The following CDH24 variants were observed in gnomAD, a reference collection of about 807,000 sequenced individuals.
CDH24 encodes cadherin-24.
CDH24 carries 61 observed loss-of-function variants against 71.2 expected under a neutral mutation model. The ratio of observed to expected loss-of-function variants is 0.86; its 90% CI spans 0.70 to 1.06. The LOEUF is 1.06. CDH24 is among the 50% of genes least tolerant of loss of function. The probability of loss-of-function intolerance (pLI) is 0.00; values close to 1 mark genes in which losing one functional copy is unlikely to be tolerated. For synonymous variants in CDH24, 440 were observed against 470.2 expected (o/e 0.94, Z 0.83); for missense variants, 961 against 1,083.7 (o/e 0.89, Z 1.59).
At chr14:23,052,363 G>T in intron 8 of CDH24, 110 bp downstream of exon 8, 1 of 1,188,946 alleles carries the variant, frequency 8.4e-7, no homozygotes, top group Non-Finnish European at 1.2e-6. Flanking sequence ...CTCAGTGGCC[G>T]CACGCTGGTG....
chr14:23,055,334 C>A lies in CDH24; in HGVS notation c.221G>T (p.Arg74Leu). The A allele has an allele frequency of 6.2e-7, 1 of 1,607,206 alleles. No homozygotes were observed. Residue 74 changes from arginine (R) to leucine (L), a missense_variant, in exon 3 of 13, where the codon CGG (arginine) becomes CTG (leucine). By Grantham distance (102) the Arg-to-Leu change is moderately radical. This residue lies in a region of CDH24 where 671 missense variants were observed against 810.9 expected (regional missense o/e 0.83). Transcript: ENST00000487137. The surrounding 1 kb of genome is among the most constrained non-coding windows in gnomAD (Gnocchi z 4.1). ...LIGKLHSDVD[R>L]GEGRTKYLLT... ...CAGGTACTTGGTGCGGCCCTCTCCC[C>A]GGTCAACATCCGAGTGCAGCTGCAG...
rs1594727525 is a variant in CDH24 at position 23,055,446 on chromosome 14, G to T, written c.201+87C>A. On this transcript the variant is annotated intron_variant, in intron 2 of 12. Coordinates refer to ENST00000487137, the MANE Select transcript of CDH24 (RefSeq NM_144985.4). This position sits in a 1 kb window ranked among gnomAD's most constrained non-coding sequence, Gnocchi z 4.1. ...GGGTAGAGCGTTGGGAGTCCTGAGG[G>T]ACCAAGGTCATTGCAGAAGTGATGA... 5.7e-6 allele frequency: 9 copies of T among 1,586,424 alleles called. No homozygotes were observed. Among genetic ancestry groups the T allele is most frequent in the Admixed American group, 1.7e-5 (1 of 58,760 alleles).
chr14:23,056,016 G>A (rs2047127331), intron 1 of CDH24, among the ~76,000 whole-genome samples, 159 bp from the exon 2 acceptor site: 1 of 152,172 alleles, frequency 6.6e-6, no homozygotes, highest in Admixed American at 6.5e-5. Context: ...CTCCACCCAG[G>A]CTCTGCATGT....
rs758730540 is a variant in CDH24 at position 23,053,662 on chromosome 14, G to A, written c.1060C>T (p.Pro354Ser). 1.2e-6 allele frequency: 2 copies of A among 1,613,994 alleles called. No individual in the cohort carries two copies. The highest frequency in any genetic ancestry group is 2.2e-5 in the South Asian group (2 of 91,088). ...CGCACAGAGGCCACATCCTTGAAGG[G>A]CCCTCGCCGCAGATAGGCTGGGTCA... Reference protein sequence around the residue: ...LIDPAYLRRGPFKDVASVRVA... With the variant: ...LIDPAYLRRGSFKDVASVRVA... Residue 354 changes from proline to serine, a missense_variant, in exon 7 of 13, where the codon CCC (proline) becomes TCC (serine). By Grantham distance (74) the Pro-to-Ser change is moderately conservative. This residue lies in a region of CDH24 where 671 missense variants were observed against 810.9 expected (regional missense o/e 0.83). Coordinates refer to ENST00000487137, the MANE Select transcript of CDH24 (RefSeq NM_144985.4).
chr14:23,048,929 G>T, intron 11 of CDH24, 98 bp downstream of exon 11: 1 of 1,417,516 alleles, frequency 7.1e-7, no homozygotes, highest in Non-Finnish European at 9.6e-7. Flanking sequence ...GGTCGTTCAA[G>T]CCCTAAGGTG....
At position 23,054,221 on chromosome 14, in the gene CDH24, T is replaced by C. The variant is rs772647752; in HGVS notation, c.892A>G (p.Ile298Val). ...LGDNALMAYS[I>V]LDGEGSEAFS... is the part of the protein sequence containing the mutation. The stretch of plus-strand genomic sequence containing the variant: ...GCCTCAGACCCCTCCCCATCCAGGA[T>C]GCTGTATGCCATCAGGGCGTTGTCC... The change falls in exon 6 of 13, where the codon ATC becomes GTC. Residue 298 changes from isoleucine (I) to valine (V), a missense_variant. Ile to Val is a conservative substitution (Grantham distance 29). Around this residue, in one of 2 missense-constraint regions of CDH24, gnomAD observed 671 missense variants for 810.9 expected, o/e 0.83. Transcript: ENST00000487137. The surrounding 1 kb of genome is among the most constrained non-coding windows in gnomAD (Gnocchi z 5.2). 1.2e-6 allele frequency: 2 copies of C among 1,613,718 alleles called. No individual in the cohort carries two copies. Among genetic ancestry groups the C allele is most frequent in the Non-Finnish European group, 1.7e-6 (2 of 1,179,928 alleles).
At position 23,047,910 on chromosome 14, in the gene CDH24, C is replaced by G. The variant is rs942023140; in HGVS notation, c.*70G>C. 6 of 1,195,772 alleles carry G rather than the reference C, an allele frequency of 5.0e-6. No homozygotes were observed. In the South Asian group the frequency reaches 1.6e-4, roughly 33 times the overall value. 74.1% of individuals were successfully genotyped at this position (1,195,772 alleles called of 1,614,324 possible). On this transcript the variant is annotated 3_prime_UTR_variant, in exon 12 of 13. Coordinates refer to ENST00000487137, the MANE Select transcript of CDH24 (RefSeq NM_144985.4). ...TGGGCTGCTGCCGCCCGCCTGGACCCCGTGGGGCTCACTCAGAGGGCCTGT... is the reference window on the plus strand; with the variant it reads ...TGGGCTGCTGCCGCCCGCCTGGACCGCGTGGGGCTCACTCAGAGGGCCTGT...
In CDH24 at chr14:23,054,180, T is replaced by A; in HGVS notation, c.933A>T (p.Thr311=). ...GGAGCCCGTCTCGACCCTGCAAGTC[T>A]GTGCTGATGCTGAAGGCCTCAGACC... The part of the protein sequence containing the change: ...GEGSEAFSIS[T]DLQGRDGLLT... The change falls in exon 6 of 13, where the codon ACA becomes ACT. Residue 311 remains threonine, a synonymous_variant. Coordinates refer to ENST00000487137, the MANE Select transcript of CDH24 (RefSeq NM_144985.4). The surrounding 1 kb of genome is among the most constrained non-coding windows in gnomAD (Gnocchi z 5.2). 6.2e-7 allele frequency: 1 copy of A among 1,612,354 alleles called. No homozygotes were observed. The highest frequency in any genetic ancestry group is 2.2e-5 in the East Asian group (1 of 44,842).
Position 23,055,043 on chromosome 14 carries a change from G to A in CDH24, c.496+16C>T, listed in dbSNP as rs766454754. The A allele has an allele frequency of 6.2e-7, 1 of 1,605,362 alleles. No individual in the cohort carries two copies. The highest frequency in any genetic ancestry group is 1.3e-5 in the African/African-American group (1 of 74,776). On this transcript the variant is annotated intron_variant, in intron 3 of 12. Transcript: ENST00000487137. This position sits in a 1 kb window ranked among gnomAD's most constrained non-coding sequence, Gnocchi z 4.1. ...CAGAAGACGGGAACTGGGGCATTCAGAGCTGGGGTGCTCACCGACATTGGA... is the reference window on the plus strand; with the variant it reads ...CAGAAGACGGGAACTGGGGCATTCAAAGCTGGGGTGCTCACCGACATTGGA...
rs568329721 is a variant in CDH24 at position 23,047,951 on chromosome 14, C to T, written c.*29G>A. 8.0e-5 allele frequency: 103 copies of T among 1,291,940 alleles called. No homozygotes were observed. In the African/African-American group the frequency reaches 1.2e-3, roughly 15 times the overall value. The allele number at this position is 1,291,940 out of a possible 1,614,324, so 80.0% of individuals were successfully genotyped here. On this transcript the variant is annotated 3_prime_UTR_variant, in exon 12 of 13. Coordinates refer to ENST00000487137, the MANE Select transcript of CDH24 (RefSeq NM_144985.4). The stretch of plus-strand genomic sequence containing the variant: ...GAGGGCCTGTGCCCGCTGCCCCCCC[C>T]CCGCGGTGGGCCGGGCCAGCCCGGG...
In CDH24 at chr14:23,054,294, T is replaced by C. The variant is rs1483124598; in HGVS notation, c.819A>G (p.Gly273=). Residue 273 remains glycine (G), a synonymous_variant, in exon 6 of 13, where the codon GGA becomes GGG. Coordinates refer to ENST00000487137, the MANE Select transcript of CDH24 (RefSeq NM_144985.4). The surrounding 1 kb of genome is among the most constrained non-coding windows in gnomAD (Gnocchi z 5.2). ...LYQFSVVETA[G]PGTLVGRLRA... Reference sequence around the variant, plus strand: ...GGAGCCGGCCCACCAGTGTGCCAGGTCCAGCTGTCTCCACCACGGAGAACT... The same window carrying C: ...GGAGCCGGCCCACCAGTGTGCCAGGCCCAGCTGTCTCCACCACGGAGAACT... The C allele has an allele frequency of 6.2e-7, 1 of 1,609,308 alleles. No homozygotes were observed. Among genetic ancestry groups the C allele is most frequent in the Non-Finnish European group, 8.5e-7 (1 of 1,177,174 alleles).
chr14:23,052,062 C>G, intron 8 of CDH24: 1 of 1,566,868 alleles, frequency 6.4e-7, no homozygotes. Context: ...TACCCAGCCC[C>G]TTTCTGGCCC....
Position 23,047,941 on chromosome 14 carries a change from C to A in CDH24, c.*39G>T. ...GGCTCACTCAGAGGGCCTGTGCCCG[C>A]TGCCCCCCCCCCGCGGTGGGCCGGG... On this transcript the variant is annotated 3_prime_UTR_variant, in exon 12 of 13. Transcript: ENST00000487137. 7.8e-7 allele frequency: 1 copy of A among 1,281,176 alleles called. No homozygotes were observed. Among genetic ancestry groups the A allele is most frequent in the Non-Finnish European group, 9.8e-7 (1 of 1,015,428 alleles). The allele number at this position is 1,281,176 out of a possible 1,614,324, so 79.4% of individuals were successfully genotyped here.
intron 7 of CDH24, among the ~76,000 whole-genome samples, chr14:23,053,104 T>C (rs58459231): frequency 0.038 from 5,839 of 152,022 alleles, 124 homozygotes; most frequent in East Asian, 0.07. Context: ...TGACCACTTA[T>C]GGCTGGCTTC....
Position 23,052,585 on chromosome 14 carries a change from A to C in CDH24, c.1251T>G (p.Asp417Glu), listed in dbSNP as rs772119411. ...GCTGGATAGAGAAGCAACGCTCCGGATCTGAGTGGGGGAGGATGGAGTATC... is the reference window on the plus strand; with the variant it reads ...GCTGGATAGAGAAGCAACGCTCCGGCTCTGAGTGGGGGAGGATGGAGTATC... ...PIRYSILPHS[D>E]PERCFSIQPE... The change falls in exon 8 of 13, where the codon GAT becomes GAG. Residue 417 changes from aspartate to glutamate, a missense_variant. By Grantham distance (45) the Asp-to-Glu change is conservative. Transcript: ENST00000487137. The C allele has an allele frequency of 6.2e-7, 1 of 1,613,880 alleles. No individual in the cohort carries two copies. Among genetic ancestry groups the C allele is most frequent in the South Asian group, 1.1e-5 (1 of 91,088 alleles).
At chr14:23,056,581 A>G (rs1173811125) in intron 1 of CDH24, among the ~76,000 whole-genome samples, 1 of 152,226 alleles carries the variant, frequency 6.6e-6, no homozygotes, top group African/African-American at 2.4e-5. Flanking sequence ...AACAGTGGCA[A>G]GAGACAGAAT....
Position 23,051,909 on chromosome 14 carries a change from T to C in CDH24, c.1363+564A>G. 4 of 975,002 alleles carry C rather than the reference T, an allele frequency of 4.1e-6. No homozygotes were observed. The highest frequency in any genetic ancestry group is 6.1e-6 in the Non-Finnish European group (4 of 653,192). 60.4% of individuals were successfully genotyped at this position (975,002 alleles called of 1,614,324 possible). A position where few individuals can be genotyped will look rare whatever the true frequency, so the allele number is the denominator to read the frequency against. ...CTGAACCCGCTGCTGGCCTGACTGA[T>C]GGGGGAGACCGCATATGGAGCTGGC... On this transcript the variant is annotated intron_variant, in intron 8 of 12. Coordinates refer to ENST00000487137, the MANE Select transcript of CDH24 (RefSeq NM_144985.4). This position sits in a 1 kb window ranked among gnomAD's most constrained non-coding sequence, Gnocchi z 4.4.
rs2047117969 is a variant in CDH24 at position 23,055,168 on chromosome 14, G to C, written c.387C>G (p.Pro129=). ...TGATGAACTCTGATGGGGGCTCCAG[G>C]GGCCGGTTGGAGGCTCGGTCCACGG... ...AQAVDRASNR[P]LEPPSEFIIK... The change falls in exon 3 of 13, where the codon CCC becomes CCG. Residue 129 remains proline, a synonymous_variant. Coordinates refer to ENST00000487137, the MANE Select transcript of CDH24 (RefSeq NM_144985.4). The surrounding 1 kb of genome is among the most constrained non-coding windows in gnomAD (Gnocchi z 4.1). 1.2e-6 allele frequency: 2 copies of C among 1,614,182 alleles called. No individual in the cohort carries two copies. Among genetic ancestry groups the C allele is most frequent in the Non-Finnish European group, 1.7e-6 (2 of 1,180,026 alleles).
rs1331103132 is a variant in CDH24, at chr14:23,048,301, C to A, written c.2025G>T (p.Ala675=). Residue 675 remains alanine, a synonymous_variant, in exon 12 of 13, where the codon GCG becomes GCT. Transcript: ENST00000487137. ...LQNPDGAAPP[A]PGPPARRDVL... ...CGTCTCGGCGCGCGGGAGGGCCGGG[C>A]GCCGGGGGGGCCGCCCCGTCCGGGT... 2 of 1,596,968 alleles carry A rather than the reference C, an allele frequency of 1.3e-6. No homozygotes were observed. Among genetic ancestry groups the A allele is most frequent in the Non-Finnish European group, 1.7e-6 (2 of 1,174,122 alleles).
Sources: gnomAD v4.1 joint callset for allele counts (sites outside exome capture counted in the v4.1 genomes callset) on GRCh38, gnomAD v4.1.1 for gene constraint, gnomAD v4.1.1 regional missense constraint, Gnocchi (gnomAD v3.1) non-coding constraint, MANE v1.5 for transcripts, NCBI Gene and HGNC (gene_info 2026-07-23, HGNC 2026-07-21) for gene names.